TTLL8: variants seen among roughly 807,000 people sequenced by gnomAD.
TTLL8 encodes tubulin tyrosine ligase like 8, also known as protein monoglycylase TTLL8.
TTLL8 carries 65 observed loss-of-function variants against 77.8 expected under a neutral mutation model. That is an observed-to-expected ratio of 0.84 (90% CI 0.68 to 1.03). The LOEUF (loss-of-function observed/expected upper bound fraction) is 1.03, where lower values mean the gene tolerates loss of function less well. TTLL8 is among the 50% of genes least tolerant of loss of function. The probability of loss-of-function intolerance (pLI) is 0.00; values close to 1 mark genes in which losing one functional copy is unlikely to be tolerated. For missense variants in TTLL8, 910 were observed against 1,004.5 expected (o/e 0.91, Z 1.27); for synonymous variants, 402 against 422.8 (o/e 0.95, Z 0.60).
At chr22:50,052,140 G>A (rs530958482) in intron 1 of TTLL8, among the ~76,000 whole-genome samples, 4 of 152,194 alleles carry the variant, frequency 2.6e-5, no homozygotes, top group East Asian at 1.9e-4. Context: ...TGTCTACTCC[G>A]ATAATCAGTC....
At chr22:50,048,209 G>C (rs2061424240) in intron 3 of TTLL8, among the ~76,000 whole-genome samples, 1 of 151,900 alleles carries the variant, frequency 6.6e-6, no homozygotes, top group African/African-American at 2.4e-5. Context: ...CGTCAACAGA[G>C]CCGAAGTCCC....
chr22:50,033,992 C>T (rs2061317513), intron 9 of TTLL8, among the ~76,000 whole-genome samples: 1 of 152,136 alleles, frequency 6.6e-6, no homozygotes. Context: ...AAGATTGCGC[C>T]ACTGCACTTC....
At chr22:50,057,927 T>C (rs966396462), upstream of TTLL8, among the ~76,000 whole-genome samples, 8 of 149,674 alleles carry the variant, frequency 5.3e-5, no homozygotes, top group Admixed American at 1.3e-4. Context: ...GTGGGTAGAG[T>C]TGGGCAGGTT....
intron 10 of TTLL8, 182 bp downstream of exon 11, chr22:50,033,020 G>T: frequency 1.9e-6 from 1 of 519,392 alleles, no homozygotes; most frequent in Non-Finnish European, 2.5e-6. Flanking sequence ...CGGTGGGCCT[G>T]GGCCTGTCCC....
intron 12 of TTLL8, chr22:50,030,066 G>T: frequency 7.9e-6 from 6 of 755,162 alleles, no homozygotes; most frequent in Non-Finnish European, 9.7e-6. Flanking sequence ...CCCTCGCTCG[G>T]CCAGGGAGCT....
chr22:50,031,990 C>T lies in TTLL8; in HGVS notation c.1403G>A (p.Arg468His), dbSNP rs148864222. ...GCCCCACACGGCGCCACGGCCCTGGCGCTGCAGGTACTCCTGGAACCTGGT... is the reference window on the plus strand; with the variant it reads ...GCCCCACACGGCGCCACGGCCCTGGTGCTGCAGGTACTCCTGGAACCTGGT... The change falls in exon 11 of 14, where the codon CGC becomes CAC. Residue 468 changes from arginine to histidine, a missense_variant. By Grantham distance (29) the Arg-to-His change is conservative. Coordinates refer to ENST00000266182, the Ensembl canonical transcript of TTLL8. 5.7e-4 allele frequency: 781 copies of T among 1,366,686 alleles called. 1 individual carries two copies. The highest frequency in any genetic ancestry group is 7.3e-4 in the East Asian group (16 of 21,988). 84.7% of individuals were successfully genotyped at this position (1,366,686 alleles called of 1,614,324 possible).
chr22:50,053,898 C>T (rs1008098461), intron 1 of TTLL8, among the ~76,000 whole-genome samples: 1 of 151,940 alleles, frequency 6.6e-6, no homozygotes, highest in African/African-American at 2.4e-5. Flanking sequence ...GTGTGTCCGG[C>T]CGTAACATCA....
chr22:50,045,490 G>A (rs544779693), intron 5 of TTLL8, 101 bp from the exon 8 acceptor site: 93 of 1,020,674 alleles, frequency 9.1e-5, no homozygotes, highest in African/African-American at 4.5e-4. Context: ...CCCACTTCCC[G>A]CCCTCATAGC....
chr22:50,035,282 T>C (rs944098943), intron 8 of TTLL8, among the ~76,000 whole-genome samples: 5 of 152,084 alleles, frequency 3.3e-5, no homozygotes. Context: ...ACGCCAGCCG[T>C]GACTCTCACA....
At position 50,044,120 on chromosome 22, in the gene TTLL8, T is replaced by A. The variant is rs2061393426; in HGVS notation, c.643+1135A>T. 6.6e-6 allele frequency among the ~76,000 whole-genome samples: 1 copy of A among 151,846 alleles called. No homozygotes were observed. Among genetic ancestry groups the A allele is most frequent in the African/African-American group, 2.4e-5 (1 of 41,316 alleles). On this transcript the variant is annotated intron_variant, in intron 6 of 13. Coordinates refer to ENST00000266182, the Ensembl canonical transcript of TTLL8. The surrounding 1 kb of genome is among the most constrained non-coding windows in gnomAD (Gnocchi z 4.2). ...TGGGCGGATCACCTGAAGTCAGGAG[T>A]TCGAGACCAGCCTGGCCAACATGGC...
intron 8 of TTLL8, among the ~76,000 whole-genome samples, chr22:50,035,931 C>T (rs2061333197): frequency 6.6e-6 from 1 of 152,242 alleles, no homozygotes; most frequent in South Asian, 2.1e-4. Flanking sequence ...GTGTACGCGC[C>T]ACTGTGTTGC....
At chr22:50,048,420 C>T (rs80223445) in intron 3 of TTLL8, among the ~76,000 whole-genome samples, 9,332 of 152,092 alleles carry the variant, frequency 0.061, 365 homozygotes, top group Middle Eastern at 0.13. Context: ...CCAGAAAAAC[C>T]CTCGCCCCTG....
intron 9 of TTLL8, among the ~76,000 whole-genome samples, chr22:50,033,975 G>T (rs1238635846): frequency 1.3e-5 from 2 of 152,250 alleles, no homozygotes; most frequent in Non-Finnish European, 2.9e-5. Context: ...GGAGGTTGCA[G>T]TGAGGCAAGA....
chr22:50,025,901 G>T (rs1012343184), intron 12 of TTLL8, among the ~76,000 whole-genome samples: 1 of 152,198 alleles, frequency 6.6e-6, no homozygotes, highest in African/African-American at 2.4e-5. Context: ...TGACCAGGAT[G>T]TGGGGCAACC....
chr22:50,025,715 A>C (rs934892009), intron 12 of TTLL8, among the ~76,000 whole-genome samples: 2 of 152,220 alleles, frequency 1.3e-5, no homozygotes, highest in African/African-American at 4.8e-5. Context: ...CAAGCAACCT[A>C]ATTTTACAAT....
rs1412592861 is a variant in TTLL8, at chr22:50,041,458, A to G, written c.830+163T>C. On this transcript the variant is annotated intron_variant, in intron 7 of 13. Coordinates refer to ENST00000266182, the Ensembl canonical transcript of TTLL8. The surrounding 1 kb of genome is among the most constrained non-coding windows in gnomAD (Gnocchi z 4.3). ...CTCAACAAGCATCCCAGACATCCAG[A>G]CAGGAGCCCCAACGCCAGGACAGGC... 1 of 951,368 alleles carries G rather than the reference A, an allele frequency of 1.1e-6. No individual in the cohort carries two copies. The highest frequency in any genetic ancestry group is 6.2e-5 in the Admixed American group (1 of 16,182). 58.9% of individuals were successfully genotyped at this position (951,368 alleles called of 1,614,324 possible). A position where few individuals can be genotyped will look rare whatever the true frequency, so the allele number is the denominator to read the frequency against.
intron 8 of TTLL8, among the ~76,000 whole-genome samples, chr22:50,036,093 C>A (rs535438250): frequency 6.6e-6 from 1 of 152,194 alleles, no homozygotes; most frequent in Admixed American, 6.5e-5. Flanking sequence ...CAGATGCTGA[C>A]GGCGAGCAGG....
exon 10 of TTLL8, chr22:50,033,219 G>C: frequency 7.4e-7 from 1 of 1,352,744 alleles, no homozygotes; most frequent in African/African-American, 1.5e-5. Flanking sequence ...GCTTGTCCAG[G>C]GAGAAGCGCT....
Position 50,034,341 on chromosome 22 carries a change from G to T in TTLL8, c.1039+4C>A, listed in dbSNP as rs757999612. The stretch of plus-strand genomic sequence containing the variant: ...TATGAACGCGGTGCAGGGAGCATCC[G>T]CACCAGGGGACTCACCTCGGCCCCG... On this transcript the variant is annotated splice_donor_region_variant and intron_variant, in intron 9 of 13. Transcript: ENST00000266182. This position sits in a 1 kb window ranked among gnomAD's most constrained non-coding sequence, Gnocchi z 4.1. 5 of 1,363,884 alleles carry T rather than the reference G, an allele frequency of 3.7e-6. No homozygotes were observed. The Admixed American group carries it at 5.7e-5, about 16-fold the overall frequency. 84.5% of individuals were successfully genotyped at this position (1,363,884 alleles called of 1,614,324 possible).
Sources: allele counts gnomAD v4.1 joint callset (sites outside exome capture counted in the v4.1 genomes callset), GRCh38; gene constraint gnomAD v4.1.1; non-coding constraint Gnocchi (gnomAD v3.1); transcripts MANE v1.5; gene names NCBI Gene and HGNC (gene_info 2026-07-23, HGNC 2026-07-21).